The following PTPRF variants were observed in gnomAD, a reference collection of about 807,000 sequenced individuals.
PTPRF encodes protein tyrosine phosphatase receptor type F.
In PTPRF, 59 loss-of-function variants were observed where a neutral mutation model predicts 201.8. That is an observed-to-expected ratio of 0.29 (90% confidence interval 0.24 to 0.36). The LOEUF is 0.36. Among genes scored for constraint, PTPRF ranks in the 10% least tolerant of loss-of-function variants. The pLI is 1.00. For missense variants in PTPRF, 2,132 were observed against 2,690.5 expected (o/e 0.79, Z 4.59); for synonymous variants, 1,088 against 1,089.7 (o/e 1.00, Z 0.03).
chr1:43,597,741 T>TTCCCCCCCCC lies in PTPRF; in HGVS notation c.1814-7_1814-6insTCCCCCCCCC. On this transcript the variant is annotated splice_polypyrimidine_tract_variant and splice_region_variant and intron_variant, in intron 11 of 33. Transcript: ENST00000359947. ...CTGCTTGCTTCCCCCCCATTTGTCT[T>TTCCCCCCCCC]CCCCAGCCCCCTCCGCCCCTCCCCA... 1 of 1,517,952 alleles carries TTCCCCCCCCC rather than the reference T, an allele frequency of 6.6e-7. No individual in the cohort carries two copies. Among genetic ancestry groups the TTCCCCCCCCC allele is most frequent in the African/African-American group, 1.4e-5 (1 of 73,150 alleles). The allele number at this position is 1,517,952 out of a possible 1,614,324, so 94.0% of individuals were successfully genotyped here. A position where few individuals can be genotyped will look rare whatever the true frequency, so the allele number is the denominator to read the frequency against.
In PTPRF at chr1:43,556,511, C is replaced by G. The variant is rs141902724; in HGVS notation, c.379+2570C>G. Reference sequence around the variant, plus strand: ...TCCTGACCTCGCCCGCCTTGGCCTCCCAAAGTGCTGGGATTACAGGCCTGA... The same window carrying G: ...TCCTGACCTCGCCCGCCTTGGCCTCGCAAAGTGCTGGGATTACAGGCCTGA... On this transcript the variant is annotated intron_variant, in intron 5 of 33. Transcript: ENST00000359947. Among the ~76,000 whole-genome samples, 778 of 152,310 alleles carry G rather than the reference C, an allele frequency of 5.1e-3. 3 individuals carry two copies. The highest frequency in any genetic ancestry group is 0.01 in the Middle Eastern group (3 of 294).
Position 43,553,690 on chromosome 1 carries a change from C to G in PTPRF, c.237+53C>G, listed in dbSNP as rs970986684. On this transcript the variant is annotated intron_variant, in intron 4 of 33. Coordinates refer to ENST00000359947, the MANE Select transcript of PTPRF (RefSeq NM_002840.5). The surrounding 1 kb of genome is among the most constrained non-coding windows in gnomAD (Gnocchi z 4.1). ...AGGGCTCAGGGTCTGCCCACACTCT[C>G]TCCTTTCAGTGTCCCTCCTCATGGA... 6.2e-7 allele frequency: 1 copy of G among 1,610,482 alleles called. No individual in the cohort carries two copies. The highest frequency in any genetic ancestry group is 1.3e-5 in the African/African-American group (1 of 74,892).
At chr1:43,590,116 C>G (rs1650279117) in intron 8 of PTPRF, among the ~76,000 whole-genome samples, 1 of 152,194 alleles carries the variant, frequency 6.6e-6, no homozygotes, top group Admixed American at 6.5e-5. Flanking sequence ...TGTCCAGACA[C>G]ATGCTGCTTT....
chr1:43,554,061 G>T lies in PTPRF; in HGVS notation c.379+120G>T, dbSNP rs1016856462. The T allele has an allele frequency of 5.2e-6, 7 of 1,344,402 alleles. No individual in the cohort carries two copies. The African/African-American group carries it at 1.0e-4, about 20-fold the overall frequency. 83.3% of individuals were successfully genotyped at this position (1,344,402 alleles called of 1,614,324 possible). A position where few individuals can be genotyped will look rare whatever the true frequency, so the allele number is the denominator to read the frequency against. On this transcript the variant is annotated intron_variant, in intron 5 of 33. Transcript: ENST00000359947. The surrounding 1 kb of genome is among the most constrained non-coding windows in gnomAD (Gnocchi z 4.1). Reference sequence around the variant, plus strand: ...GGCAGAAAGGAGGACTGGCCACCTCGGGGTCAGTGAAAGTCAGTGGTGGAC... The same window carrying T: ...GGCAGAAAGGAGGACTGGCCACCTCTGGGTCAGTGAAAGTCAGTGGTGGAC...
At chr1:43,605,733 A>G in intron 19 of PTPRF, 111 bp downstream of exon 19, 1 of 1,073,934 alleles carries the variant, frequency 9.3e-7, no homozygotes, top group Non-Finnish European at 1.4e-6. Flanking sequence ...CCAAATTGAA[A>G]TCTCTCTTCT....
intron 22 of PTPRF, among the ~76,000 whole-genome samples, chr1:43,611,691 T>C (rs1656495524): frequency 6.6e-6 from 1 of 152,024 alleles, no homozygotes; most frequent in Non-Finnish European, 1.5e-5. Context: ...GGGAGACCAT[T>C]TAAAAGGCCA....
At chr1:43,541,475 A>G (rs566859916) in intron 2 of PTPRF, among the ~76,000 whole-genome samples, 1 of 152,294 alleles carries the variant, frequency 6.6e-6, no homozygotes, top group South Asian at 2.1e-4. Context: ...GGCTTGGTCT[A>G]GTGCCTGCTT....
chr1:43,597,629 C>T, intron 11 of PTPRF, 119 bp from the exon 12 acceptor site: 2 of 762,398 alleles, frequency 2.6e-6, no homozygotes, highest in South Asian at 3.5e-5. Flanking sequence ...CTGGGATGGC[C>T]ATTTCAGCAC....
chr1:43,583,063 C>A (rs1408317922), intron 7 of PTPRF: 1 of 985,248 alleles, frequency 1.0e-6, no homozygotes, highest in African/African-American at 1.7e-5. Flanking sequence ...TGCCATCAAC[C>A]CAAACTCTCA....
upstream of PTPRF, among the ~76,000 whole-genome samples, chr1:43,530,059 T>C (rs1643310918): frequency 6.6e-6 from 1 of 152,014 alleles, no homozygotes; most frequent in African/African-American, 2.4e-5. This position sits in a 1 kb window ranked among gnomAD's most constrained non-coding sequence, Gnocchi z 4.1. Flanking sequence ...AAAGCCAGTC[T>C]TATCTTGGGT....
intron 6 of PTPRF, among the ~76,000 whole-genome samples, chr1:43,577,042 T>C (rs930988377): frequency 1.3e-5 from 2 of 152,124 alleles, no homozygotes; most frequent in African/African-American, 4.8e-5. Context: ...TGTATGCAAA[T>C]AGGCACCCAG....
At chr1:43,607,903 G>T (rs1019229875) in intron 21 of PTPRF, among the ~76,000 whole-genome samples, 1 of 152,232 alleles carries the variant, frequency 6.6e-6, no homozygotes, top group Non-Finnish European at 1.5e-5. Context: ...ACGCAGCTGG[G>T]CCTGTGTGCC....
chr1:43,605,369 G>A lies in PTPRF; in HGVS notation c.3315G>A (p.Leu1105=). ...CCGACCTCCTGCCTCACAAGCCGCT[G>A]CCTGCCTCTGCCTACATAGAGGACG... ...TAPDLLPHKP[L]PASAYIEDGR... Residue 1105 remains leucine, a synonymous_variant, in exon 18 of 34, where the codon CTG becomes CTA. Transcript: ENST00000359947. 1 of 1,613,982 alleles carries A rather than the reference G, an allele frequency of 6.2e-7. No individual in the cohort carries two copies. Among genetic ancestry groups the A allele is most frequent in the Non-Finnish European group, 8.5e-7 (1 of 1,180,000 alleles).
At chr1:43,533,704 C>T (rs1453644559) in intron 1 of PTPRF, among the ~76,000 whole-genome samples, 14 of 152,188 alleles carry the variant, frequency 9.2e-5, no homozygotes. Flanking sequence ...TCAGCAGTGG[C>T]AGTCACTTCC....
upstream of PTPRF, among the ~76,000 whole-genome samples, chr1:43,522,204 C>A: frequency 6.6e-6 from 1 of 152,154 alleles, no homozygotes; most frequent in Non-Finnish European, 1.5e-5. Flanking sequence ...TTCTGGGAAA[C>A]CTGACCTAAC....
chr1:43,614,381 G>T (rs1657218448), intron 23 of PTPRF, among the ~76,000 whole-genome samples: 2 of 152,170 alleles, frequency 1.3e-5, no homozygotes, highest in Admixed American at 1.3e-4. Context: ...TACAAGTCCC[G>T]CTTGGAGCCC....
chr1:43,591,614 C>G, intron 9 of PTPRF, 61 bp downstream of exon 9: 1 of 1,482,904 alleles, frequency 6.7e-7, no homozygotes, highest in South Asian at 1.3e-5. Flanking sequence ...GAGGTTGTGG[C>G]GGTGCCTTTC....
At chr1:43,571,584 G>A (rs1159867428) in intron 6 of PTPRF, among the ~76,000 whole-genome samples, 1 of 152,204 alleles carries the variant, frequency 6.6e-6, no homozygotes, top group Non-Finnish European at 1.5e-5. Flanking sequence ...TGGTTTGAGA[G>A]CTCTCAAATG....
At chr1:43,535,813 T>A (rs1643963559) in intron 1 of PTPRF, among the ~76,000 whole-genome samples, 1 of 152,218 alleles carries the variant, frequency 6.6e-6, no homozygotes, top group Non-Finnish European at 1.5e-5. Flanking sequence ...CTCACTCTGT[T>A]GCCCAGGCTG....
Sources: gnomAD v4.1 joint callset for allele counts (sites outside exome capture counted in the v4.1 genomes callset) on GRCh38, gnomAD v4.1.1 for gene constraint, Gnocchi (gnomAD v3.1) non-coding constraint, MANE v1.5 for transcripts, NCBI Gene and HGNC (gene_info 2026-07-23, HGNC 2026-07-21) for gene names.